FA2H: variants seen among roughly 807,000 people sequenced by gnomAD.
FA2H encodes the protein fatty acid 2-hydroxylase.
A neutral mutation model predicts 44.9 loss-of-function variants in FA2H; 22 were observed. The ratio of observed to expected loss-of-function variants is 0.49; its 90% CI spans 0.35 to 0.70. FA2H has a LOEUF of 0.70. Among genes scored for constraint, FA2H ranks in the 30% least tolerant of loss-of-function variants. FA2H has a pLI of 0.01. For missense variants in FA2H, 501 were observed against 504.9 expected, an observed-to-expected ratio of 0.99 and a Z score of 0.07; for synonymous variants, 243 against 213.2, an observed-to-expected ratio of 1.14 and a Z score of -1.22.
At chr16:74,720,965 T>C (rs1181729769) in intron 4 of FA2H, among the ~76,000 whole-genome samples, 4 of 152,204 alleles carry the variant, frequency 2.6e-5, no homozygotes, top group Non-Finnish European at 5.9e-5. Context: ...CATCCATCAG[T>C]TGAGGGACAC....
intron 4 of FA2H, among the ~76,000 whole-genome samples, chr16:74,724,187 C>A (rs903350940): frequency 6.6e-6 from 1 of 152,206 alleles, no homozygotes; most frequent in African/African-American, 2.4e-5. Context: ...CAGGCGTGAG[C>A]CACCGTGCCT....
At chr16:74,755,687 C>T (rs900773396) in intron 1 of FA2H, among the ~76,000 whole-genome samples, 1 of 152,146 alleles carries the variant, frequency 6.6e-6, no homozygotes, top group Non-Finnish European at 1.5e-5. Flanking sequence ...CCAGGAGCAC[C>T]TGCATCCCCT....
At chr16:74,720,648 A>G (rs574316837) in intron 4 of FA2H, among the ~76,000 whole-genome samples, 1 of 152,184 alleles carries the variant, frequency 6.6e-6, no homozygotes, top group African/African-American at 2.4e-5. Flanking sequence ...GTACACTCAC[A>G]AAGTTGTTAA....
chr16:74,753,649 G>T (rs1962567264), intron 1 of FA2H, among the ~76,000 whole-genome samples: 1 of 152,060 alleles, frequency 6.6e-6, no homozygotes, highest in East Asian at 1.9e-4. Context: ...CTCCAGCCTG[G>T]GTGACAGAGC....
Position 74,774,507 on chromosome 16 carries a change from T to C in FA2H, c.249A>G (p.Gly83=). 6.5e-7 allele frequency: 1 copy of C among 1,546,028 alleles called. No individual in the cohort carries two copies. Among genetic ancestry groups the C allele is most frequent in the South Asian group, 1.2e-5 (1 of 82,458 alleles). The change falls in exon 1 of 7, where the codon GGA becomes GGG. Residue 83 remains glycine, a synonymous_variant. Transcript: ENST00000219368. ...ARRWLEQYYV[G]ELRGEQQGSM... is the part of the protein sequence containing the mutation. ...GTACCTGCTGCTCCCCGCGGAGCTC[T>C]CCCACGTAGTACTGCTCCAGCCAGC...
chr16:74,758,865 G>A lies in FA2H; in HGVS notation c.270+15621C>T, dbSNP rs1361090764. Among the ~76,000 whole-genome samples, 6 of 152,326 alleles carry A rather than the reference G, an allele frequency of 3.9e-5. No individual in the cohort carries two copies. In the East Asian group the frequency reaches 5.8e-4, roughly 15 times the overall value. On this transcript the variant is annotated intron_variant, in intron 1 of 6. Coordinates refer to ENST00000219368, the MANE Select transcript of FA2H (RefSeq NM_024306.5). ...CTTCCCAGCCCTTTCAGCAGGTACC[G>A]CTTCCTGTATCTAGAACATTCCAGG... is the stretch of plus-strand genomic sequence containing the variant.
At chr16:74,734,168 G>T (rs945393221) in intron 2 of FA2H, among the ~76,000 whole-genome samples, 9 of 152,230 alleles carry the variant, frequency 5.9e-5, no homozygotes, top group African/African-American at 2.2e-4. Flanking sequence ...ACGTGGCTCG[G>T]GTGGGGGAGA....
At chr16:74,716,214 G>A in intron 6 of FA2H, 133 bp downstream of exon 6, 2 of 951,202 alleles carry the variant, frequency 2.1e-6, no homozygotes, top group Non-Finnish European at 3.2e-6. Flanking sequence ...CACCAGGGAA[G>A]AGAGTAGAGG....
In FA2H at chr16:74,716,483, A is replaced by G. The variant is rs748813351; in HGVS notation, c.903T>C (p.Phe301=). 1.9e-6 allele frequency: 3 copies of G among 1,613,776 alleles called. No homozygotes were observed. The highest frequency in any genetic ancestry group is 2.5e-6 in the Non-Finnish European group (3 of 1,179,976). Residue 301 remains phenylalanine (F), a synonymous_variant, in exon 6 of 7, where the codon TTT becomes TTC. Coordinates refer to ENST00000219368, the MANE Select transcript of FA2H (RefSeq NM_024306.5). The part of the protein sequence containing the change: ...ILPEAVGGTV[F]AGGLLGYVLY... ...GGACGTAGCCCAGGAGGCCCCCCGC[A>G]AACACAGTGCCCCCTACTGCCTCGG...
chr16:74,738,698 C>A (rs961458688), intron 2 of FA2H, among the ~76,000 whole-genome samples: 1 of 152,178 alleles, frequency 6.6e-6, no homozygotes, highest in Admixed American at 6.5e-5. Flanking sequence ...TGTAGCTCAC[C>A]CTTTGGTCCC....
At chr16:74,738,394 T>C (rs1962222051) in intron 2 of FA2H, among the ~76,000 whole-genome samples, 1 of 152,042 alleles carries the variant, frequency 6.6e-6, no homozygotes, top group African/African-American at 2.4e-5. Context: ...CCTCCTGCAG[T>C]GATGGGGCCG....
intron 4 of FA2H, among the ~76,000 whole-genome samples, chr16:74,722,497 T>C (rs1345664948): frequency 6.6e-6 from 1 of 152,036 alleles, no homozygotes; most frequent in Admixed American, 6.6e-5. Context: ...GATTGCACCA[T>C]TGCACTCCAG....
intron 1 of FA2H, among the ~76,000 whole-genome samples, chr16:74,748,127 G>A (rs1372209466): frequency 1.3e-5 from 2 of 152,240 alleles, no homozygotes; most frequent in African/African-American, 4.8e-5. Context: ...ATTCAAATAG[G>A]TCCGTTCCTA....
chr16:74,763,407 A>C (rs1207332385), intron 1 of FA2H, among the ~76,000 whole-genome samples: 1 of 151,944 alleles, frequency 6.6e-6, no homozygotes, highest in East Asian at 1.9e-4. Context: ...ACAGGCACGC[A>C]CCACCACACC....
chr16:74,742,728 C>T (rs1290973499), intron 1 of FA2H, among the ~76,000 whole-genome samples: 1 of 152,040 alleles, frequency 6.6e-6, no homozygotes, highest in Admixed American at 6.6e-5. Context: ...GTCCTAGCTA[C>T]TCAGGAGGCT....
intron 1 of FA2H, among the ~76,000 whole-genome samples, chr16:74,754,335 G>A (rs1962578170): frequency 1.3e-5 from 2 of 152,108 alleles, no homozygotes; most frequent in Admixed American, 1.3e-4. Context: ...GGTGGAGGTT[G>A]CAGTGAGCCA....
intron 1 of FA2H, among the ~76,000 whole-genome samples, chr16:74,751,038 C>T (rs1434563966): frequency 6.6e-6 from 1 of 151,940 alleles, no homozygotes; most frequent in Non-Finnish European, 1.5e-5. Flanking sequence ...CTACCTCAGC[C>T]TCCCAAACTT....
Position 74,714,256 on chromosome 16 carries a change from G to T in FA2H, c.1053C>A (p.Ser351Arg). 1 of 1,559,884 alleles carries T rather than the reference G, an allele frequency of 6.4e-7. No individual in the cohort carries two copies. The highest frequency in any genetic ancestry group is 8.7e-7 in the Non-Finnish European group (1 of 1,150,836). ...GGAAACAGTAATCCCACAATTTAGT[G>T]CTGATACCAAATCCTAGAGAGGGAG... ...FAHQKSGFGISTKLWDYCFHT... is the reference protein window; with the variant it reads ...FAHQKSGFGIRTKLWDYCFHT... Residue 351 changes from serine (S) to arginine (R), a missense_variant, in exon 7 of 7, where the codon AGC becomes AGA. Coordinates refer to ENST00000219368, the MANE Select transcript of FA2H (RefSeq NM_024306.5).
chr16:74,733,842 G>A (rs1485369663), intron 2 of FA2H, among the ~76,000 whole-genome samples: 6 of 152,156 alleles, frequency 3.9e-5, no homozygotes, highest in East Asian at 1.9e-4. Flanking sequence ...GCCTGCCCCC[G>A]CTCACCACAT....
Sources: allele counts gnomAD v4.1 joint callset (sites outside exome capture counted in the v4.1 genomes callset), GRCh38; gene constraint gnomAD v4.1.1; transcripts MANE v1.5; gene names NCBI Gene and HGNC (gene_info 2026-07-23, HGNC 2026-07-21).